Variants in SEC11A observed in about 807,000 individuals in gnomAD.
SEC11A encodes signal peptidase complex catalytic subunit SEC11A.
A neutral mutation model predicts 25.6 loss-of-function variants in SEC11A; 14 were observed. The observed-to-expected ratio is 0.55, with a 90% CI of 0.36 to 0.85. The LOEUF is 0.85. Ranked by LOEUF, SEC11A falls within the 40% of genes least tolerant of loss-of-function variation. The pLI, the probability that SEC11A is intolerant of heterozygous loss-of-function variation, is 0.01. For synonymous variants in SEC11A, 83 were observed against 76.4 expected (o/e 1.09, Z -0.45); for missense variants, 153 against 222.9 (o/e 0.69, Z 2.00).
At chr15:84,715,813 C>T (rs1302027478) in intron 1 of SEC11A, among the ~76,000 whole-genome samples, 1 of 152,208 alleles carries the variant, frequency 6.6e-6, no homozygotes, top group African/African-American at 2.4e-5. Flanking sequence ...CCGCTTCCCG[C>T]CCCGCCCCCG....
intron 1 of SEC11A, among the ~76,000 whole-genome samples, chr15:84,698,650 T>G (rs1014247530): frequency 1.3e-5 from 2 of 152,218 alleles, no homozygotes; most frequent in African/African-American, 4.8e-5. Context: ...CAATTTTCAC[T>G]TTAAAAATCT....
At chr15:84,715,899 G>A (rs974878669) in intron 1 of SEC11A, 126 bp downstream of exon 1, 2 of 858,112 alleles carry the variant, frequency 2.3e-6, no homozygotes, top group East Asian at 2.7e-5. Flanking sequence ...TCCAAAGAAA[G>A]CGAATGACCC....
intron 3 of SEC11A, chr15:84,685,800 T>TC (rs1897404427): frequency 1.2e-5 from 1 of 84,366 alleles, no homozygotes; most frequent in African/African-American, 3.2e-5. Context: ...TAAATTTCTT[T>TC]TTTTTTTTTT....
At chr15:84,688,942 A>C (rs1897511600) in intron 2 of SEC11A, among the ~76,000 whole-genome samples, 1 of 151,988 alleles carries the variant, frequency 6.6e-6, no homozygotes, top group Non-Finnish European at 1.5e-5. Flanking sequence ...GACGCAGAAG[A>C]ATCACTTGAA....
At chr15:84,712,942 C>T (rs1299966685) in intron 1 of SEC11A, among the ~76,000 whole-genome samples, 1 of 152,084 alleles carries the variant, frequency 6.6e-6, no homozygotes, top group African/African-American at 2.4e-5. Context: ...AGCAGTGGCT[C>T]ACGCCTGTAA....
chr15:84,708,646 T>C (rs541651493), intron 1 of SEC11A, among the ~76,000 whole-genome samples: 3 of 152,110 alleles, frequency 2.0e-5, no homozygotes, highest in South Asian at 4.2e-4. Context: ...AGTCTCACTA[T>C]GGTACCTGGT....
chr15:84,689,060 G>GA (rs1323657165), intron 2 of SEC11A, among the ~76,000 whole-genome samples: 1 of 149,376 alleles, frequency 6.7e-6, no homozygotes, highest in South Asian at 2.1e-4. Flanking sequence ...AAGAAGAAAA[G>GA]AAAAAAAAGA....
At chr15:84,697,373 T>C (rs1167538058) in intron 1 of SEC11A, among the ~76,000 whole-genome samples, 1 of 152,236 alleles carries the variant, frequency 6.6e-6, no homozygotes, top group Non-Finnish European at 1.5e-5. Flanking sequence ...TTCTCAGACA[T>C]ATAATACTTT....
Position 84,669,837 on chromosome 15 carries a change from T to C in SEC11A, c.*182A>G, listed in dbSNP as rs1435016309. 6 of 997,802 alleles carry C rather than the reference T, an allele frequency of 6.0e-6. No homozygotes were observed. The Admixed American group carries it at 7.7e-5, about 13-fold the overall frequency. The allele number at this position is 997,802 out of a possible 1,614,324, so 61.8% of individuals were successfully genotyped here. A position where few individuals can be genotyped will look rare whatever the true frequency, so the allele number is the denominator to read the frequency against. On this transcript the variant is annotated 3_prime_UTR_variant, in exon 6 of 6. Coordinates refer to ENST00000268220, the MANE Select transcript of SEC11A (RefSeq NM_014300.4). Reference sequence around the variant, plus strand: ...ACTGAAAGTCCCCTCGAGTGCACTCTGTGGTGCACATGCGCCCGCCCACAC... The same window carrying C: ...ACTGAAAGTCCCCTCGAGTGCACTCCGTGGTGCACATGCGCCCGCCCACAC...
chr15:84,691,491 A>G (rs994825095), intron 2 of SEC11A, 44 bp downstream of exon 2: 1 of 1,071,552 alleles, frequency 9.3e-7, no homozygotes. Flanking sequence ...TTTTCTCCCA[A>G]GTAATGCCAT....
Sources: gnomAD v4.1 joint callset for allele counts (sites outside exome capture counted in the v4.1 genomes callset) on GRCh38, gnomAD v4.1.1 for gene constraint, MANE v1.5 for transcripts, NCBI Gene and HGNC (gene_info 2026-07-23, HGNC 2026-07-21) for gene names.